CACNA2D2: variants seen among roughly 807,000 people sequenced by gnomAD.
CACNA2D2 encodes calcium voltage-gated channel auxiliary subunit alpha2delta 2.
A neutral mutation model predicts 166.4 loss-of-function variants in CACNA2D2; 48 were observed. The ratio of observed to expected loss-of-function variants is 0.29; its 90% CI spans 0.23 to 0.37. CACNA2D2 has a LOEUF of 0.37. Among genes scored for constraint, CACNA2D2 ranks in the 10% least tolerant of loss-of-function variants. The pLI is 1.00. For missense variants in CACNA2D2, 1,122 were observed against 1,433.0 expected (o/e 0.78, Z 3.50); for synonymous variants, 561 against 573.7 (o/e 0.98, Z 0.32).
At chr3:50,392,991 A>ATGG (rs1441282175) in intron 4 of CACNA2D2, among the ~76,000 whole-genome samples, 1 of 152,152 alleles carries the variant, frequency 6.6e-6, no homozygotes, top group African/African-American at 2.4e-5. Flanking sequence ...GAAGAGTGCC[A>ATGG]TGGTGTGGGC....
In CACNA2D2 at chr3:50,439,523, G is replaced by A. The variant is rs1281048193; in HGVS notation, c.289-5094C>T. 2.6e-5 allele frequency among the ~76,000 whole-genome samples: 4 copies of A among 152,248 alleles called. No homozygotes were observed. In the East Asian group the frequency reaches 7.7e-4, roughly 29 times the overall value. On this transcript the variant is annotated intron_variant, in intron 2 of 37. Coordinates refer to ENST00000424201, the MANE Select transcript of CACNA2D2 (RefSeq NM_006030.4). The stretch of plus-strand genomic sequence containing the variant: ...CCAGCACCCCTGGCCTGAGCCCCGA[G>A]GCATGACTCCGGGGAGACTGGCGCT...
At chr3:50,424,967 C>T (rs551711696) in intron 3 of CACNA2D2, among the ~76,000 whole-genome samples, 195 of 152,234 alleles carry the variant, frequency 1.3e-3, no homozygotes, top group Non-Finnish European at 2.2e-3. Context: ...CAGCAGCACC[C>T]CTGTAAGCCA....
intron 3 of CACNA2D2, among the ~76,000 whole-genome samples, chr3:50,401,962 C>T (rs1033985651): frequency 6.6e-6 from 1 of 152,196 alleles, no homozygotes; most frequent in Non-Finnish European, 1.5e-5. Flanking sequence ...ATCCGCCTGC[C>T]TTGGCCTCCC....
intron 2 of CACNA2D2, among the ~76,000 whole-genome samples, chr3:50,447,816 G>C (rs1053627266): frequency 3.3e-5 from 5 of 152,134 alleles, no homozygotes; most frequent in African/African-American, 1.2e-4. Flanking sequence ...CACAGAGCCT[G>C]GGGAACTCTG....
At chr3:50,405,995 C>T (rs538849573) in intron 3 of CACNA2D2, among the ~76,000 whole-genome samples, 1 of 151,844 alleles carries the variant, frequency 6.6e-6, no homozygotes, top group Admixed American at 6.6e-5. Context: ...CCAATCTCTA[C>T]CCCCTATCCA....
At chr3:50,465,831 ACTAG>A (rs1709805672) in intron 2 of CACNA2D2, among the ~76,000 whole-genome samples, 1 of 152,168 alleles carries the variant, frequency 6.6e-6, no homozygotes, top group East Asian at 1.9e-4. Context: ...CCTGGTGGAC[ACTAG>A]CTCTTCTCTA....
At chr3:50,487,228 A>T (rs961095911) in intron 1 of CACNA2D2, among the ~76,000 whole-genome samples, 1 of 152,230 alleles carries the variant, frequency 6.6e-6, no homozygotes, top group African/African-American at 2.4e-5. Context: ...AGTAGGTTGC[A>T]GGTAAGAGCC....
At chr3:50,473,967 G>A (rs1710203678) in intron 2 of CACNA2D2, among the ~76,000 whole-genome samples, 1 of 152,250 alleles carries the variant, frequency 6.6e-6, no homozygotes, top group African/African-American at 2.4e-5. Context: ...AGCCGGGGAT[G>A]CCAGGTCAGC....
chr3:50,423,705 G>A (rs917897687), intron 3 of CACNA2D2, among the ~76,000 whole-genome samples: 1 of 152,262 alleles, frequency 6.6e-6, no homozygotes, highest in African/African-American at 2.4e-5. Context: ...ATTTGTCAAG[G>A]CACAGAGTGG....
At chr3:50,407,427 G>GA (rs1706775712) in intron 3 of CACNA2D2, among the ~76,000 whole-genome samples, 1 of 147,098 alleles carries the variant, frequency 6.8e-6, no homozygotes, top group Admixed American at 6.6e-5. Flanking sequence ...TGGCGATCAT[G>GA]AGGGCTTCAG....
chr3:50,453,109 A>G (rs755862422), intron 2 of CACNA2D2, among the ~76,000 whole-genome samples: 1 of 152,064 alleles, frequency 6.6e-6, no homozygotes, highest in African/African-American at 2.4e-5. Flanking sequence ...CCATCTCCAC[A>G]TCACTGAGAC....
chr3:50,371,200 C>T (rs587627404), intron 22 of CACNA2D2, among the ~76,000 whole-genome samples: 1 of 152,212 alleles, frequency 6.6e-6, no homozygotes, highest in African/African-American at 2.4e-5. Context: ...GCTGGGTCTC[C>T]ACCCTTCCTA....
intron 1 of CACNA2D2, among the ~76,000 whole-genome samples, chr3:50,483,371 A>G (rs1004341502): frequency 6.6e-6 from 1 of 152,176 alleles, no homozygotes; most frequent in Non-Finnish European, 1.5e-5. Flanking sequence ...GTCCAAAGCC[A>G]TCTCTCTCGA....
chr3:50,426,215 T>C (rs1300534429), intron 3 of CACNA2D2, among the ~76,000 whole-genome samples: 1 of 152,224 alleles, frequency 6.6e-6, no homozygotes, highest in Non-Finnish European at 1.5e-5. Flanking sequence ...GACTCTGTTT[T>C]CTCATCTGTA....
At chr3:50,473,285 A>C (rs1191240279) in intron 2 of CACNA2D2, among the ~76,000 whole-genome samples, 1 of 152,242 alleles carries the variant, frequency 6.6e-6, no homozygotes, top group African/African-American at 2.4e-5. Context: ...GGAAAGTGCC[A>C]AGGCAAGGAA....
intron 3 of CACNA2D2, among the ~76,000 whole-genome samples, chr3:50,404,460 G>A (rs1706596750): frequency 6.6e-6 from 1 of 152,154 alleles, no homozygotes; most frequent in African/African-American, 2.4e-5. Flanking sequence ...GGACAGGAGT[G>A]CCTCATCTGG....
At chr3:50,421,434 G>A (rs1417425445) in intron 3 of CACNA2D2, among the ~76,000 whole-genome samples, 1 of 152,150 alleles carries the variant, frequency 6.6e-6, no homozygotes, top group Non-Finnish European at 1.5e-5. Context: ...ACAGTCACAA[G>A]GCTGGGGTGT....
chr3:50,448,428 T>C (rs1708954559), intron 2 of CACNA2D2, among the ~76,000 whole-genome samples: 1 of 152,106 alleles, frequency 6.6e-6, no homozygotes, highest in Non-Finnish European at 1.5e-5. Context: ...TACATGTATG[T>C]AGGAATGTTC....
chr3:50,402,843 T>C (rs1706509361), intron 3 of CACNA2D2, among the ~76,000 whole-genome samples: 1 of 152,176 alleles, frequency 6.6e-6, no homozygotes, highest in Non-Finnish European at 1.5e-5. Flanking sequence ...CTCTCATCCT[T>C]AGAAAAAACC....
Sources: allele counts gnomAD v4.1 joint callset (sites outside exome capture counted in the v4.1 genomes callset), GRCh38; gene constraint gnomAD v4.1.1; transcripts MANE v1.5; gene names NCBI Gene and HGNC (gene_info 2026-07-23, HGNC 2026-07-21).